DTWD2: variants seen among roughly 807,000 people sequenced by gnomAD.
The protein encoded by DTWD2 is DTW motif tRNA-uridine aminocarboxypropyltransferase 2, also known as tRNA-uridine aminocarboxypropyltransferase 2.
Under a neutral mutation model 31.8 loss-of-function variants are expected in DTWD2, and 39 were observed. That is an observed-to-expected ratio of 1.22 (90% CI 0.95 to 1.60). The LOEUF (loss-of-function observed/expected upper bound fraction) is 1.60. Among genes scored for constraint, DTWD2 ranks in the 40% most tolerant of loss-of-function variants. DTWD2 has a pLI of 0.00. For missense variants in DTWD2, 515 were observed against 381.5 expected (o/e 1.35, Z -2.92); for synonymous variants, 180 against 142.8 (o/e 1.26, Z -1.86).
intron 3 of DTWD2, among the ~76,000 whole-genome samples, chr5:118,932,215 T>C (rs979980094): frequency 6.6e-6 from 1 of 151,014 alleles, no homozygotes; most frequent in Non-Finnish European, 1.5e-5. Flanking sequence ...GATAGGGCCA[T>C]GCATTGTGGC....
chr5:118,887,038 G>A (rs546916514), intron 4 of DTWD2, among the ~76,000 whole-genome samples: 1 of 152,222 alleles, frequency 6.6e-6, no homozygotes, highest in Admixed American at 6.5e-5. Context: ...CTCCCAAAAA[G>A]AAGTTAGAGG....
At chr5:118,862,773 G>T (rs1393389588) in intron 4 of DTWD2, among the ~76,000 whole-genome samples, 4 of 152,296 alleles carry the variant, frequency 2.6e-5, no homozygotes, top group African/African-American at 7.2e-5. Context: ...CTCAGGGAAT[G>T]AACTGTAAGT....
chr5:118,943,545 C>T (rs1008430841), intron 2 of DTWD2, among the ~76,000 whole-genome samples: 18 of 142,872 alleles, frequency 1.3e-4, no homozygotes, highest in African/African-American at 4.6e-4. Context: ...AGCAAGACTC[C>T]GTCTCAAAAA....
chr5:118,901,856 C>A (rs1018392498), intron 4 of DTWD2, among the ~76,000 whole-genome samples: 1 of 152,136 alleles, frequency 6.6e-6, no homozygotes, highest in Middle Eastern at 3.2e-3. Context: ...GATCCTCTTG[C>A]CTCAGCCTCC....
intron 4 of DTWD2, among the ~76,000 whole-genome samples, chr5:118,903,379 A>C (rs1753259054): frequency 6.6e-6 from 1 of 152,078 alleles, no homozygotes; most frequent in Non-Finnish European, 1.5e-5. Flanking sequence ...ACACCTTATT[A>C]ACTAAGAAGT....
rs185644760 is a variant in DTWD2 at position 118,964,055 on chromosome 5, C to T, written c.219-19406G>A. The stretch of plus-strand genomic sequence containing the variant: ...TAAAACCTCATCTCTATTAAAAATA[C>T]AAAAATTAGCCAGGCGTGGTGGCTC... On this transcript the variant is annotated intron_variant, in intron 1 of 5. Transcript: ENST00000510708. Among the ~76,000 whole-genome samples the T allele has an allele frequency of 8.5e-4, 129 of 151,976 alleles. 1 individual carries two copies. The highest frequency in any genetic ancestry group is 2.9e-3 in the African/African-American group (120 of 41,460).
chr5:118,882,625 T>G (rs1187137468), intron 4 of DTWD2, among the ~76,000 whole-genome samples: 1 of 152,068 alleles, frequency 6.6e-6, no homozygotes, highest in African/African-American at 2.4e-5. Context: ...ATAACTCAAC[T>G]CTTGACTTCT....
intron 4 of DTWD2, among the ~76,000 whole-genome samples, chr5:118,915,733 C>T (rs949035650): frequency 2.6e-5 from 4 of 152,104 alleles, no homozygotes; most frequent in African/African-American, 9.7e-5. Flanking sequence ...GAGTGGAAGC[C>T]TACAATTTCA....
intron 4 of DTWD2, among the ~76,000 whole-genome samples, chr5:118,888,735 G>C (rs1393099801): frequency 6.6e-6 from 1 of 152,164 alleles, no homozygotes; most frequent in African/African-American, 2.4e-5. Flanking sequence ...ATGTTTGAGA[G>C]TTTCAGTTAC....
intron 4 of DTWD2, among the ~76,000 whole-genome samples, chr5:118,903,267 A>G (rs1275503432): frequency 6.6e-6 from 1 of 152,018 alleles, no homozygotes; most frequent in Non-Finnish European, 1.5e-5. Context: ...TGCTACACAA[A>G]TGTTAAGCAT....
At chr5:118,873,707 C>T (rs558990221) in intron 4 of DTWD2, among the ~76,000 whole-genome samples, 1 of 152,332 alleles carries the variant, frequency 6.6e-6, no homozygotes, top group South Asian at 2.1e-4. Context: ...GCAACTCACA[C>T]TTGCGCTAAC....
At chr5:118,905,573 A>C (rs923905788) in intron 4 of DTWD2, among the ~76,000 whole-genome samples, 1 of 152,158 alleles carries the variant, frequency 6.6e-6, no homozygotes, top group Non-Finnish European at 1.5e-5. Flanking sequence ...GGATTCAAAG[A>C]ATCTTACTAT....
At chr5:118,884,936 C>G (rs1752824274) in intron 4 of DTWD2, among the ~76,000 whole-genome samples, 1 of 140,814 alleles carries the variant, frequency 7.1e-6, no homozygotes, top group African/African-American at 2.8e-5. Flanking sequence ...GCGGAGCTTG[C>G]AGTGAGCCGA....
chr5:118,932,983 AG>A (rs1753961149), intron 3 of DTWD2, among the ~76,000 whole-genome samples: 1 of 152,178 alleles, frequency 6.6e-6, no homozygotes, highest in Non-Finnish European at 1.5e-5. Flanking sequence ...AGAAATAAAA[AG>A]GGTGATCATT....
chr5:118,895,628 C>A (rs889486305), intron 4 of DTWD2, among the ~76,000 whole-genome samples: 1 of 152,138 alleles, frequency 6.6e-6, no homozygotes, highest in South Asian at 2.1e-4. Flanking sequence ...AAAGCTATAG[C>A]AACCAAAATA....
intron 4 of DTWD2, among the ~76,000 whole-genome samples, chr5:118,921,583 T>C (rs770290612): frequency 6.6e-6 from 1 of 152,036 alleles, no homozygotes; most frequent in Non-Finnish European, 1.5e-5. Context: ...ACTGATTTGT[T>C]AGACCATGGG....
intron 4 of DTWD2, 60 bp from the exon 5 acceptor site, chr5:118,848,278 G>C (rs1328583404): frequency 3.4e-6 from 5 of 1,462,876 alleles, no homozygotes; most frequent in African/African-American, 1.5e-5. Context: ...TATAAAGTTT[G>C]TGTTTTAAAT....
intron 4 of DTWD2, among the ~76,000 whole-genome samples, chr5:118,886,208 G>C (rs548138302): frequency 6.6e-6 from 1 of 152,120 alleles, no homozygotes; most frequent in African/African-American, 2.4e-5. Context: ...GTCTCTGTAC[G>C]TAACAGGCAC....
At chr5:118,903,087 C>T (rs1019778143) in intron 4 of DTWD2, among the ~76,000 whole-genome samples, 3 of 151,154 alleles carry the variant, frequency 2.0e-5, no homozygotes, top group Middle Eastern at 6.8e-3. Context: ...ATAATATATC[C>T]TAAAATTCCA....
Sources: allele counts gnomAD v4.1 joint callset (sites outside exome capture counted in the v4.1 genomes callset), GRCh38; gene constraint gnomAD v4.1.1; transcripts MANE v1.5; gene names NCBI Gene and HGNC (gene_info 2026-07-23, HGNC 2026-07-21).